Variants in CHRNA6 observed in about 807,000 individuals in gnomAD.
CHRNA6 encodes cholinergic receptor nicotinic alpha 6 subunit.
CHRNA6 carries 31 observed loss-of-function variants against 40.9 expected under a neutral mutation model. The observed-to-expected ratio is 0.76, with a 90% confidence interval of 0.57 to 1.02. The LOEUF (loss-of-function observed/expected upper bound fraction) is 1.02, where lower values mean the gene tolerates loss of function less well. Ranked by LOEUF, CHRNA6 falls within the 50% of genes least tolerant of loss-of-function variation. The pLI, the probability that CHRNA6 is intolerant of heterozygous loss-of-function variation, is 0.00. For missense variants in CHRNA6, 546 were observed against 596.6 expected, an observed-to-expected ratio of 0.92 and a Z score of 0.88; for synonymous variants, 222 against 221.3, an observed-to-expected ratio of 1.00 and a Z score of -0.03.
intron 5 of CHRNA6, among the ~76,000 whole-genome samples, chr8:42,754,778 G>A (rs1212874930): frequency 1.3e-5 from 2 of 152,114 alleles, no homozygotes; most frequent in Admixed American, 6.6e-5. Context: ...GCTGAGGGAG[G>A]TACATGCTGC....
intron 2 of CHRNA6, 91 bp from the exon 3 acceptor site, chr8:42,759,204 C>A: frequency 1.1e-6 from 1 of 949,682 alleles, no homozygotes; most frequent in Non-Finnish European, 1.7e-6. Flanking sequence ...AGAACCAAAT[C>A]TGACTTATTC....
chr8:42,760,217 A>G (rs996556140), intron 2 of CHRNA6, among the ~76,000 whole-genome samples: 137 of 152,200 alleles, frequency 9.0e-4, no homozygotes, highest in African/African-American at 3.1e-3. Context: ...ACATATGCAC[A>G]CACACGCACA....
At position 42,756,533 on chromosome 8, in the gene CHRNA6, A is replaced by C. The variant is rs1441340377; in HGVS notation, c.666T>G (p.Cys222Trp). 1.2e-6 allele frequency: 2 copies of C among 1,614,070 alleles called. No individual in the cohort carries two copies. Among genetic ancestry groups the C allele is most frequent in the Non-Finnish European group, 1.7e-6 (2 of 1,179,988 alleles). Residue 222 changes from cysteine to tryptophan, a missense_variant, in exon 5 of 6, where the codon TGT (cysteine) becomes TGG (tryptophan). Coordinates refer to ENST00000276410, the MANE Select transcript of CHRNA6 (RefSeq NM_004198.3). ...SGYKHDIKYN[C>W]CEEIYTDITY... ...TTATATCTGTGTATATCTCTTCACA[A>C]CAGTTGTATTTGATGTCATGTTTGT...
intron 2 of CHRNA6, among the ~76,000 whole-genome samples, chr8:42,764,713 T>G (rs1816948204): frequency 6.6e-6 from 1 of 152,182 alleles, no homozygotes; most frequent in Non-Finnish European, 1.5e-5. Flanking sequence ...TGTATGACCC[T>G]GGGAAAGTCA....
At chr8:42,765,707 A>C (rs1816967166) in intron 1 of CHRNA6, among the ~76,000 whole-genome samples, 1 of 152,240 alleles carries the variant, frequency 6.6e-6, no homozygotes, top group Non-Finnish European at 1.5e-5. Flanking sequence ...AATAACTAGT[A>C]ATTTCATGAT....
chr8:42,759,625 C>T (rs1229215354), intron 2 of CHRNA6, among the ~76,000 whole-genome samples: 4 of 152,016 alleles, frequency 2.6e-5, no homozygotes, highest in Admixed American at 1.3e-4. Flanking sequence ...CAGCTGGGCG[C>T]GGTGGCTCAC....
chr8:42,759,053 T>C lies in CHRNA6; in HGVS notation c.264+16A>G. On this transcript the variant is annotated intron_variant, in intron 3 of 5. Coordinates refer to ENST00000276410, the MANE Select transcript of CHRNA6 (RefSeq NM_004198.3). ...CATTCAACATCATTAAGCCAACACA[T>C]GATATAGGCACATACGTGACGCAGC... is the stretch of plus-strand genomic sequence containing the variant. 6.2e-7 allele frequency: 1 copy of C among 1,601,784 alleles called. No individual in the cohort carries two copies. The highest frequency in any genetic ancestry group is 8.6e-7 in the Non-Finnish European group (1 of 1,168,820).
Position 42,756,948 on chromosome 8 carries a change from G to A in CHRNA6, c.354C>T (p.Pro118=), listed in dbSNP as rs201576802. The change falls in exon 4 of 6, where the codon CCC becomes CCT. Residue 118 remains proline, a synonymous_variant. Coordinates refer to ENST00000276410, the MANE Select transcript of CHRNA6 (RefSeq NM_004198.3). ...LRVPADKIWK[P]DIVLYNNAVG... is the part of the protein sequence containing the mutation. ...CATACTTGTTATAGAGAACAATGTCGGGCTTCCAAATCTTATCTGCAGGAA... is the reference window on the plus strand; with the variant it reads ...CATACTTGTTATAGAGAACAATGTCAGGCTTCCAAATCTTATCTGCAGGAA... 1.4e-5 allele frequency: 22 copies of A among 1,613,516 alleles called. No individual in the cohort carries two copies. The highest frequency in any genetic ancestry group is 5.5e-5 in the South Asian group (5 of 91,074).
chr8:42,767,252 C>A (rs1262023125), intron 1 of CHRNA6, among the ~76,000 whole-genome samples: 1 of 152,230 alleles, frequency 6.6e-6, no homozygotes, highest in Non-Finnish European at 1.5e-5. Flanking sequence ...CAGGCATGAG[C>A]CACCGCGCCC....
At chr8:42,765,536 C>T (rs764740194) in intron 1 of CHRNA6, among the ~76,000 whole-genome samples, 7 of 152,238 alleles carry the variant, frequency 4.6e-5, no homozygotes, top group South Asian at 2.1e-4. Flanking sequence ...GGAATCTTCA[C>T]TTATGTCACT....
intron 2 of CHRNA6, among the ~76,000 whole-genome samples, chr8:42,760,858 C>T (rs1191637506): frequency 6.6e-6 from 1 of 152,190 alleles, no homozygotes; most frequent in Non-Finnish European, 1.5e-5. Context: ...GGGAGAACTA[C>T]CAAAGACACA....
At chr8:42,757,910 C>T (rs1040322548) in intron 3 of CHRNA6, among the ~76,000 whole-genome samples, 2 of 151,584 alleles carry the variant, frequency 1.3e-5, no homozygotes, top group African/African-American at 4.8e-5. Flanking sequence ...TGGCGGGCCC[C>T]TGTAGTCCCA....
At chr8:42,759,361 C>G (rs981834385) in intron 2 of CHRNA6, 22 of 473,122 alleles carry the variant, frequency 4.6e-5, no homozygotes, top group Non-Finnish European at 8.5e-5. Flanking sequence ...TAAGCCTCAC[C>G]TCTTCTGTGA....
intron 5 of CHRNA6, among the ~76,000 whole-genome samples, chr8:42,755,041 C>CTTTTT (rs561445145): frequency 6.5e-5 from 9 of 138,840 alleles, no homozygotes; most frequent in African/African-American, 2.4e-4. Context: ...TGTGCAGGGG[C>CTTTTT]TTTTTTTTTT....
intron 1 of CHRNA6, among the ~76,000 whole-genome samples, chr8:42,767,880 C>G (rs1195797866): frequency 6.6e-6 from 1 of 152,144 alleles, no homozygotes; most frequent in Non-Finnish European, 1.5e-5. Context: ...TAAGTTGTAA[C>G]TTTTAAAATG....
chr8:42,762,535 G>A (rs1457875018), intron 2 of CHRNA6, among the ~76,000 whole-genome samples: 1 of 152,274 alleles, frequency 6.6e-6, no homozygotes, highest in Non-Finnish European at 1.5e-5. Context: ...TGCAATCCCA[G>A]CTACTTGGGA....
At position 42,759,112 on chromosome 8, in the gene CHRNA6, T is replaced by G; in HGVS notation, c.221A>C (p.Asp74Ala). Reference sequence around the variant, plus strand: ...GGTTTCCATGATCTGGTTTACTTCATCCTGGGAAGAAGAAATAATACTTTT... The same window carrying G: ...GGTTTCCATGATCTGGTTTACTTCAGCCTGGGAAGAAGAAATAATACTTTT... ...EVAITQLANVDEVNQIMETNL... is the reference protein window; with the variant it reads ...EVAITQLANVAEVNQIMETNL... The change falls in exon 3 of 6, where the codon GAT becomes GCT. Residue 74 changes from aspartate (D) to alanine (A), a missense_variant and splice_region_variant. Asp to Ala is a moderately radical substitution (Grantham distance 126). Coordinates refer to ENST00000276410, the MANE Select transcript of CHRNA6 (RefSeq NM_004198.3). 1.2e-6 allele frequency: 2 copies of G among 1,612,634 alleles called. No individual in the cohort carries two copies. The highest frequency in any genetic ancestry group is 1.7e-6 in the Non-Finnish European group (2 of 1,178,656).
intron 2 of CHRNA6, 151 bp from the exon 3 acceptor site, chr8:42,759,264 C>G (rs1816859079): frequency 3.2e-6 from 2 of 632,190 alleles, no homozygotes; most frequent in Non-Finnish European, 5.7e-6. Context: ...ATTCAGCATG[C>G]AAGCAGAAAT....
At chr8:42,759,807 G>A (rs1816868939) in intron 2 of CHRNA6, among the ~76,000 whole-genome samples, 1 of 151,812 alleles carries the variant, frequency 6.6e-6, no homozygotes. Flanking sequence ...GGCTGAGGCA[G>A]GAGAATTGCT....
Sources: allele counts gnomAD v4.1 joint callset (sites outside exome capture counted in the v4.1 genomes callset), GRCh38; gene constraint gnomAD v4.1.1; transcripts MANE v1.5; gene names NCBI Gene and HGNC (gene_info 2026-07-23, HGNC 2026-07-21).